The following SETDB2 variants were observed in gnomAD, a reference collection of about 807,000 sequenced individuals.
The protein encoded by SETDB2 is histone-lysine N-methyltransferase SETDB2.
In SETDB2, 56 loss-of-function variants were observed where a neutral mutation model predicts 82.5. The ratio of observed to expected loss-of-function variants is 0.68; its 90% confidence interval spans 0.55 to 0.85. SETDB2 has a LOEUF of 0.85. SETDB2 is among the 40% of genes least tolerant of loss of function. SETDB2 has a pLI of 0.00. For synonymous variants in SETDB2, 272 were observed against 284.9 expected (o/e 0.95, Z 0.46); for missense variants, 677 against 816.4 (o/e 0.83, Z 2.08).
chr13:49,466,022 T>C (rs973874752), intron 4 of SETDB2, among the ~76,000 whole-genome samples: 3 of 152,166 alleles, frequency 2.0e-5, no homozygotes, highest in Non-Finnish European at 2.9e-5. Flanking sequence ...AACATACAGA[T>C]ATTTGATTGG....
In SETDB2 at chr13:49,488,239, T is replaced by A. The variant is rs766233305; in HGVS notation, c.1577-51T>A. 4 of 1,520,962 alleles carry A rather than the reference T, an allele frequency of 2.6e-6. No homozygotes were observed. The African/African-American group carries it at 5.6e-5, about 21-fold the overall frequency. The allele number at this position is 1,520,962 out of a possible 1,614,324, so 94.2% of individuals were successfully genotyped here. On this transcript the variant is annotated intron_variant, in intron 11 of 13. Transcript: ENST00000611815. The stretch of plus-strand genomic sequence containing the variant: ...TAATTAGTGTTGTTAATTTCAGCAC[T>A]ATTGCTCAGCAAGTATATTTCCTGA...
Position 49,467,921 on chromosome 13 carries a change from C to T in SETDB2, c.266C>T (p.Thr89Ile), listed in dbSNP as rs750928370. The T allele has an allele frequency of 5.6e-6, 9 of 1,610,602 alleles. No homozygotes were observed. In the Admixed American group the frequency reaches 1.5e-4, roughly 27 times the overall value. The part of the protein sequence containing the change: ...QENKSNAFPS[T>I]SCENSFPEDC... ...AACAAATCCAATGCATTTCCCTCTA[C>T]ATCATGTGAAAACTCCTTTCCAGAA... Residue 89 changes from threonine to isoleucine, a missense_variant, in exon 5 of 14, where the codon ACA (threonine) becomes ATA (isoleucine). By Grantham distance (89) the Thr-to-Ile change is moderately conservative. Coordinates refer to ENST00000611815, the MANE Select transcript of SETDB2 (RefSeq NM_001160308.3).
rs1957609277 is a variant in SETDB2 at position 49,444,293 on chromosome 13, ATCCCCGGTAGAGG to A, written c.-905_-893del. 2 of 325,568 alleles carry A rather than the reference ATCCCCGGTAGAGG, an allele frequency of 6.1e-6. No individual in the cohort carries two copies. Among genetic ancestry groups the A allele is most frequent in the Admixed American group, 8.4e-5 (2 of 23,738 alleles). The allele number at this position is 325,568 out of a possible 1,614,324, so 20.2% of individuals were successfully genotyped here. On this transcript the variant is annotated 5_prime_UTR_variant, in exon 1 of 14. Transcript: ENST00000611815. ...CCCGGCGGAGGTTACGCCTTCCCTC[ATCCCCGGTAGAGG>A]CAGGGCGGGACTGTTGTGGTTGAGA... is the stretch of plus-strand genomic sequence containing the variant.
At position 49,444,372 on chromosome 13, in the gene SETDB2, C is replaced by A; in HGVS notation, c.-827C>A. The A allele has an allele frequency of 4.8e-6, 1 of 208,038 alleles. No homozygotes were observed. 12.9% of individuals were successfully genotyped at this position (208,038 alleles called of 1,614,324 possible). ...GGTGAAGTACTTCCCGGCCAGAGGG[C>A]ACCTGCGCTCGGGAGGTTTGGGCGG... On this transcript the variant is annotated 5_prime_UTR_variant, in exon 1 of 14. Transcript: ENST00000611815.
At chr13:49,455,691 C>T (rs1344277089) in intron 2 of SETDB2, among the ~76,000 whole-genome samples, 1 of 151,970 alleles carries the variant, frequency 6.6e-6, no homozygotes, top group East Asian at 1.9e-4. Context: ...AAGTGATAGG[C>T]TCACTTTGCT....
chr13:49,479,503 A>G (rs537034566), intron 6 of SETDB2, among the ~76,000 whole-genome samples: 1 of 152,310 alleles, frequency 6.6e-6, no homozygotes, highest in Admixed American at 6.5e-5. Flanking sequence ...TGTATTAATT[A>G]ATACAGAAAA....
chr13:49,480,556 T>C (rs1188163842), intron 7 of SETDB2, among the ~76,000 whole-genome samples: 3 of 152,240 alleles, frequency 2.0e-5, no homozygotes, highest in African/African-American at 4.8e-5. Context: ...CTCATCTGCT[T>C]TGAGTCTGGC....
Position 49,483,468 on chromosome 13 carries a change from A to G in SETDB2, c.1387A>G (p.Thr463Ala). The change falls in exon 10 of 14, where the codon ACG (threonine) becomes GCG (alanine). Residue 463 changes from threonine to alanine, a missense_variant. Coordinates refer to ENST00000611815, the MANE Select transcript of SETDB2 (RefSeq NM_001160308.3). ...SNNPKELTVE[T>A]KYDNISRIQY... Reference sequence around the variant, plus strand: ...TAACTTTTTTTTCCTTTTTAGGGAAACGAAATATGATAATATTTCAAGAAT... The same window carrying G: ...TAACTTTTTTTTCCTTTTTAGGGAAGCGAAATATGATAATATTTCAAGAAT... 7.6e-7 allele frequency: 1 copy of G among 1,324,012 alleles called. No individual in the cohort carries two copies. The highest frequency in any genetic ancestry group is 1.4e-5 in the South Asian group (1 of 69,712). 82.0% of individuals were successfully genotyped at this position (1,324,012 alleles called of 1,614,324 possible). A position where few individuals can be genotyped will look rare whatever the true frequency, so the allele number is the denominator to read the frequency against.
At chr13:49,447,746 T>C (rs983990556) in intron 1 of SETDB2, among the ~76,000 whole-genome samples, 6 of 152,256 alleles carry the variant, frequency 3.9e-5, no homozygotes, top group African/African-American at 1.4e-4. Flanking sequence ...TACATTCTTA[T>C]TCTACTGCTG....
At chr13:49,467,481 G>A (rs1025862109) in intron 4 of SETDB2, among the ~76,000 whole-genome samples, 4 of 152,118 alleles carry the variant, frequency 2.6e-5, no homozygotes, top group African/African-American at 9.6e-5. Flanking sequence ...TAGAGCAATA[G>A]GAAAACAAAA....
chr13:49,488,093 T>G (rs1461326894), intron 11 of SETDB2, 197 bp from the exon 12 acceptor site: 3 of 381,768 alleles, frequency 7.9e-6, no homozygotes, highest in African/African-American at 2.2e-5. Flanking sequence ...GTTACCCCAG[T>G]TCTCGTTATT....
At chr13:49,451,988 G>A (rs1957794174) in intron 2 of SETDB2, 79 bp downstream of exon 2, 2 of 1,108,788 alleles carry the variant, frequency 1.8e-6, no homozygotes, top group Admixed American at 5.0e-5. Flanking sequence ...ATGTGGAATT[G>A]TCAAGGTTTT....
intron 1 of SETDB2, among the ~76,000 whole-genome samples, chr13:49,449,380 A>G (rs1312149033): frequency 5.3e-5 from 8 of 151,968 alleles, no homozygotes. Context: ...CCTCCCAAGT[A>G]GCCCAGATTA....
At chr13:49,463,331 C>T (rs181619120) in intron 4 of SETDB2, among the ~76,000 whole-genome samples, 23 of 152,114 alleles carry the variant, frequency 1.5e-4, no homozygotes, top group Admixed American at 1.2e-3. Context: ...TTTATATGCA[C>T]AAGTGTTGCG....
chr13:49,464,038 G>T (rs1470456618), intron 4 of SETDB2: 1 of 773,376 alleles, frequency 1.3e-6, no homozygotes. Flanking sequence ...ACAGAAAGAA[G>T]TGAATGCCCA....
chr13:49,491,622 CAG>C, intron 13 of SETDB2, 108 bp from the exon 14 acceptor site: 1 of 735,010 alleles, frequency 1.4e-6, no homozygotes, highest in Non-Finnish European at 2.4e-6. Flanking sequence ...GGTGAGAGAA[CAG>C]ATCATATTTT....
intron 1 of SETDB2, among the ~76,000 whole-genome samples, chr13:49,449,943 G>A (rs116117187): frequency 0.021 from 3,134 of 152,158 alleles, 102 homozygotes; most frequent in African/African-American, 0.072. Context: ...GTCTGCAAAT[G>A]TCTTTTTTTC....
At chr13:49,467,473 GA>G in intron 4 of SETDB2, among the ~76,000 whole-genome samples, 1 of 152,128 alleles carries the variant, frequency 6.6e-6, no homozygotes, top group Non-Finnish European at 1.5e-5. Context: ...AATAGTTGTA[GA>G]GCAATAGGAA....
chr13:49,471,420 CTT>C (rs200346844), intron 5 of SETDB2, among the ~76,000 whole-genome samples: 118 of 132,696 alleles, frequency 8.9e-4, no homozygotes, highest in African/African-American at 1.0e-3. Flanking sequence ...TCTGAATTCC[CTT>C]TTTTTTTTTT....
Sources: gnomAD v4.1 joint callset for allele counts (sites outside exome capture counted in the v4.1 genomes callset) on GRCh38, gnomAD v4.1.1 for gene constraint, MANE v1.5 for transcripts, NCBI Gene and HGNC (gene_info 2026-07-23, HGNC 2026-07-21) for gene names.